Variants in ENOX1 observed in about 807,000 individuals in gnomAD.
The protein encoded by ENOX1 is ecto-NOX disulfide-thiol exchanger 1.
Under a neutral mutation model 82.5 loss-of-function variants are expected in ENOX1, and 42 were observed. The observed-to-expected ratio is 0.51, with a 90% CI of 0.40 to 0.66. ENOX1 has a LOEUF of 0.66. Ranked by LOEUF, ENOX1 falls within the 30% of genes least tolerant of loss-of-function variation. The pLI is 0.00. For synonymous variants in ENOX1, 271 were observed against 282.2 expected, an observed-to-expected ratio of 0.96 and a Z score of 0.40; for missense variants, 608 against 811.6, an observed-to-expected ratio of 0.75 and a Z score of 3.05.
chr13:43,308,355 C>T (rs1034760904), intron 11 of ENOX1, among the ~76,000 whole-genome samples: 1 of 152,144 alleles, frequency 6.6e-6, no homozygotes, highest in Non-Finnish European at 1.5e-5. Context: ...TTATACTTTA[C>T]TCCATTTTTG....
intron 1 of ENOX1, among the ~76,000 whole-genome samples, chr13:43,782,474 T>C (rs1162541364): frequency 6.6e-6 from 1 of 152,202 alleles, no homozygotes; most frequent in Non-Finnish European, 1.5e-5. Context: ...CTAGCTAGAA[T>C]AAGTTAATAG....
chr13:43,480,711 C>G (rs1181395103), intron 3 of ENOX1, among the ~76,000 whole-genome samples: 1 of 151,998 alleles, frequency 6.6e-6, no homozygotes, highest in South Asian at 2.1e-4. Flanking sequence ...TGAGAGACTA[C>G]AAGGAACAAT....
intron 16 of ENOX1, among the ~76,000 whole-genome samples, chr13:43,223,554 A>C (rs544964208): frequency 1.3e-5 from 2 of 152,310 alleles, no homozygotes; most frequent in Non-Finnish European, 2.9e-5. Flanking sequence ...ACAGCTGAGA[A>C]GAATTTTGCA....
intron 3 of ENOX1, among the ~76,000 whole-genome samples, chr13:43,474,627 C>T (rs1273292250): frequency 1.3e-5 from 2 of 151,800 alleles, no homozygotes; most frequent in African/African-American, 2.4e-5. Flanking sequence ...TGATTCCTCT[C>T]ACTGGAATTA....
intron 5 of ENOX1, among the ~76,000 whole-genome samples, chr13:43,401,562 G>A (rs2053498336): frequency 6.6e-6 from 1 of 152,178 alleles, no homozygotes; most frequent in Non-Finnish European, 1.5e-5. Flanking sequence ...GCCAATCAGA[G>A]AGAGAGAGCT....
At chr13:43,569,733 A>G (rs1158124603) in intron 2 of ENOX1, among the ~76,000 whole-genome samples, 1 of 151,504 alleles carries the variant, frequency 6.6e-6, no homozygotes, top group Non-Finnish European at 1.5e-5. Context: ...ACCAATCATC[A>G]TTCTCCAACA....
rs371888295 is a variant in ENOX1 at position 43,739,648 on chromosome 13, A to G, written c.-285+47004T>C. ...ATGATTCTAAGACCAAGAGAGAAAA[A>G]TAACATAAGAAAAGAGCTGTTGTGA... On this transcript the variant is annotated intron_variant, in intron 1 of 16. Coordinates refer to ENST00000690772, the MANE Select transcript of ENOX1 (RefSeq NM_001347969.2). Among the ~76,000 whole-genome samples, 37 of 152,028 alleles carry G rather than the reference A, an allele frequency of 2.4e-4. No homozygotes were observed. The East Asian group carries it at 2.9e-3, about 12-fold the overall frequency.
intron 2 of ENOX1, among the ~76,000 whole-genome samples, chr13:43,607,990 A>T (rs2082045238): frequency 6.6e-6 from 1 of 152,208 alleles, no homozygotes; most frequent in South Asian, 2.1e-4. Flanking sequence ...GAGCAGAGAA[A>T]CATCCAGGAA....
chr13:43,344,610 CTT>C lies in ENOX1; in HGVS notation c.962_963del (p.Lys321SerfsTer4), dbSNP rs1449853292. 1 of 1,614,090 alleles carries C rather than the reference CTT, an allele frequency of 6.2e-7. No homozygotes were observed. Among genetic ancestry groups the C allele is most frequent in the Non-Finnish European group, 8.5e-7 (1 of 1,180,010 alleles). On this transcript the variant is annotated frameshift_variant, in exon 9 of 17. Coordinates refer to ENST00000690772, the MANE Select transcript of ENOX1 (RefSeq NM_001347969.2). LOFTEE classifies it high-confidence loss of function. ...NSHVRRLMNE[K>X]ATHEQEMEEA... ...TCCTCCATCTCTTGCTCATGGGTGG[CTT>C]TTTCATTCATTAGCCGGCGGACGTG...
chr13:43,528,996 G>A (rs1413962616), intron 2 of ENOX1, among the ~76,000 whole-genome samples: 1 of 151,908 alleles, frequency 6.6e-6, no homozygotes, highest in Non-Finnish European at 1.5e-5. Flanking sequence ...TATTAATAAT[G>A]ATAACAGAAG....
intron 12 of ENOX1, among the ~76,000 whole-genome samples, chr13:43,292,281 A>G (rs1420202994): frequency 6.6e-6 from 1 of 152,186 alleles, no homozygotes; most frequent in Non-Finnish European, 1.5e-5. Flanking sequence ...CCTCTTGAAA[A>G]TAAAATAATA....
intron 2 of ENOX1, among the ~76,000 whole-genome samples, chr13:43,584,410 G>C (rs181885246): frequency 6.6e-6 from 1 of 152,238 alleles, no homozygotes; most frequent in East Asian, 1.9e-4. Context: ...TCATAATGTC[G>C]AGTTTCAAAA....
chr13:43,621,057 T>C (rs1396202371), intron 2 of ENOX1, among the ~76,000 whole-genome samples: 2 of 152,318 alleles, frequency 1.3e-5, no homozygotes, highest in African/African-American at 4.8e-5. Flanking sequence ...ATGTAAGAAT[T>C]GCTACCCCAG....
intron 1 of ENOX1, among the ~76,000 whole-genome samples, chr13:43,680,490 T>G (rs1271717751): frequency 2.6e-5 from 4 of 152,146 alleles, no homozygotes; most frequent in Non-Finnish European, 5.9e-5. Flanking sequence ...ACATCATCTC[T>G]GCCTTGGAGA....
Position 43,408,605 on chromosome 13 carries a change from C to T in ENOX1, c.208+3311G>A, listed in dbSNP as rs565270428. On this transcript the variant is annotated intron_variant, in intron 5 of 16. Coordinates refer to ENST00000690772, the MANE Select transcript of ENOX1 (RefSeq NM_001347969.2). ...TGACACCTGAGCAAGCAGTGGCATCCGTGGCTCTATGGCTACGTGGAAAAG... is the reference window on the plus strand; with the variant it reads ...TGACACCTGAGCAAGCAGTGGCATCTGTGGCTCTATGGCTACGTGGAAAAG... 3.9e-5 allele frequency among the ~76,000 whole-genome samples: 6 copies of T among 152,260 alleles called. No homozygotes were observed. The South Asian group carries it at 6.2e-4, about 16-fold the overall frequency.
In ENOX1 at chr13:43,213,269, C is replaced by A. The variant is rs1480287510; in HGVS notation, c.*721G>T. ...TACAAGACAATAACACTAGTTTTTC[C>A]TTTATTTACACTTTATGAAAACTGT... On this transcript the variant is annotated 3_prime_UTR_variant, in exon 17 of 17. Coordinates refer to ENST00000690772, the MANE Select transcript of ENOX1 (RefSeq NM_001347969.2). Among the ~76,000 whole-genome samples, 1 of 152,024 alleles carries A rather than the reference C, an allele frequency of 6.6e-6. No individual in the cohort carries two copies. The highest frequency in any genetic ancestry group is 1.5e-5 in the Non-Finnish European group (1 of 67,964).
intron 2 of ENOX1, among the ~76,000 whole-genome samples, chr13:43,513,490 T>C (rs1027960919): frequency 9.9e-5 from 15 of 152,140 alleles, no homozygotes; most frequent in Non-Finnish European, 2.2e-4. Flanking sequence ...TTTTAATAAA[T>C]ACTGGACTGG....
At chr13:43,380,435 CA>C (rs1356823348) in intron 5 of ENOX1, among the ~76,000 whole-genome samples, 6 of 151,076 alleles carry the variant, frequency 4.0e-5, no homozygotes, top group Admixed American at 2.6e-4. Context: ...GATAAGCCAA[CA>C]AAGGAGATAA....
chr13:43,756,972 C>A (rs12865393), intron 1 of ENOX1, among the ~76,000 whole-genome samples: 2,294 of 26,924 alleles, frequency 0.085, 69 homozygotes, highest in Non-Finnish European at 0.13. Flanking sequence ...AAAACAACAA[C>A]AAAAAAAAAA....
Sources: allele counts gnomAD v4.1 joint callset (sites outside exome capture counted in the v4.1 genomes callset), GRCh38; gene constraint gnomAD v4.1.1; transcripts MANE v1.5; gene names NCBI Gene and HGNC (gene_info 2026-07-23, HGNC 2026-07-21).